Variants in CSMD1 observed in about 807,000 individuals in gnomAD.
CSMD1 encodes the protein CUB and sushi domain-containing protein 1.
Under a neutral mutation model 417.5 loss-of-function variants are expected in CSMD1, and 213 were observed. The ratio of observed to expected loss-of-function variants is 0.51; its 90% confidence interval spans 0.46 to 0.57. The LOEUF (loss-of-function observed/expected upper bound fraction) is 0.57, where lower values mean the gene tolerates loss of function less well. CSMD1 is among the 20% of genes least tolerant of loss of function. The pLI is 0.00. For missense variants in CSMD1, 6,923 were observed against 4,529.7 expected, an observed-to-expected ratio of 1.53 and a Z score of -15.17; for synonymous variants, 2,862 against 1,736.8, an observed-to-expected ratio of 1.65 and a Z score of -16.11.
intron 3 of CSMD1, among the ~76,000 whole-genome samples, chr8:4,118,553 G>T (rs1293335044): frequency 6.6e-6 from 1 of 152,140 alleles, no homozygotes; most frequent in Non-Finnish European, 1.5e-5. Context: ...ACCATCTCAC[G>T]CCAGTAAAAA....
At chr8:4,378,579 G>A (rs1288321977) in intron 3 of CSMD1, among the ~76,000 whole-genome samples, 1 of 152,112 alleles carries the variant, frequency 6.6e-6, no homozygotes, top group African/African-American at 2.4e-5. Context: ...TCTTCAATAA[G>A]TTTCAAATAC....
Position 4,845,882 on chromosome 8 carries a change from G to C in CSMD1, c.85+148450C>G, listed in dbSNP as rs143270031. Among the ~76,000 whole-genome samples the C allele has an allele frequency of 4.3e-3, 662 of 152,308 alleles. 4 individuals carry two copies. The highest frequency in any genetic ancestry group is 0.015 in the African/African-American group (608 of 41,574). The stretch of plus-strand genomic sequence containing the variant: ...CCACTACCTAATGAGGATTTTGTCA[G>C]TCACCGTGGCTAACTAAAATGACAA... On this transcript the variant is annotated intron_variant, in intron 1 of 69. Coordinates refer to ENST00000635120, the MANE Select transcript of CSMD1 (RefSeq NM_033225.6).
chr8:4,595,264 G>A (rs1800195937), intron 2 of CSMD1, among the ~76,000 whole-genome samples: 1 of 150,498 alleles, frequency 6.6e-6, no homozygotes, highest in African/African-American at 2.5e-5. Context: ...TCTGAGACAG[G>A]AAGGTATAAT....
At chr8:4,963,089 C>T (rs1359864554) in intron 1 of CSMD1, among the ~76,000 whole-genome samples, 2 of 152,190 alleles carry the variant, frequency 1.3e-5, no homozygotes, top group African/African-American at 2.4e-5. Flanking sequence ...CCTCTCCAGG[C>T]CTCCGCAAGA....
chr8:3,753,012 G>T (rs1266093953), intron 6 of CSMD1, among the ~76,000 whole-genome samples: 1 of 152,164 alleles, frequency 6.6e-6, no homozygotes, highest in Non-Finnish European at 1.5e-5. Context: ...TTTCATGGGA[G>T]GTATTTACAA....
At chr8:3,225,772 G>A (rs934794665) in intron 27 of CSMD1, among the ~76,000 whole-genome samples, 1 of 152,194 alleles carries the variant, frequency 6.6e-6, no homozygotes, top group African/African-American at 2.4e-5. Context: ...GAATTAAGGA[G>A]TGCTGCCTGG....
intron 2 of CSMD1, among the ~76,000 whole-genome samples, chr8:4,492,279 G>T (rs753751740): frequency 6.6e-6 from 1 of 152,122 alleles, no homozygotes; most frequent in South Asian, 2.1e-4. Flanking sequence ...TTGTCTACAC[G>T]GGATCTTCTT....
intron 3 of CSMD1, among the ~76,000 whole-genome samples, chr8:4,116,074 C>A (rs1205557385): frequency 6.6e-6 from 1 of 151,886 alleles, no homozygotes; most frequent in Non-Finnish European, 1.5e-5. Flanking sequence ...TCTTGGCTCA[C>A]TGCAACCTCC....
At chr8:3,147,035 G>A (rs1013391418) in intron 40 of CSMD1, among the ~76,000 whole-genome samples, 4 of 151,490 alleles carry the variant, frequency 2.6e-5, no homozygotes, top group African/African-American at 9.8e-5. Flanking sequence ...CTTATATTCC[G>A]GATAAGTGTT....
chr8:3,809,463 GA>G (rs1800938738), intron 5 of CSMD1, among the ~76,000 whole-genome samples: 1 of 152,158 alleles, frequency 6.6e-6, no homozygotes, highest in Admixed American at 6.6e-5. Flanking sequence ...GGTTCCTGGG[GA>G]TAGTTCATAC....
At chr8:3,486,353 T>C (rs912666857) in intron 11 of CSMD1, among the ~76,000 whole-genome samples, 2 of 152,230 alleles carry the variant, frequency 1.3e-5, no homozygotes, top group Non-Finnish European at 2.9e-5. Flanking sequence ...GATGGTGCAC[T>C]GTAAATGCAT....
intron 7 of CSMD1, among the ~76,000 whole-genome samples, chr8:3,664,530 T>G (rs1396232927): frequency 6.6e-6 from 1 of 152,180 alleles, no homozygotes; most frequent in African/African-American, 2.4e-5. Context: ...ATGCTGATGG[T>G]GGGTCAAGAG....
intron 2 of CSMD1, among the ~76,000 whole-genome samples, chr8:4,617,953 T>C (rs1041453785): frequency 6.6e-6 from 1 of 152,170 alleles, no homozygotes; most frequent in African/African-American, 2.4e-5. Context: ...TAAGATGCAA[T>C]ATTTCTTTTT....
At chr8:4,490,498 A>C (rs6982571) in intron 2 of CSMD1, among the ~76,000 whole-genome samples, 10,040 of 152,282 alleles carry the variant, frequency 0.066, 956 homozygotes, top group African/African-American at 0.2. Flanking sequence ...TTACATATTT[A>C]TTCATCACAT....
At chr8:4,262,185 C>T (rs554806627) in intron 3 of CSMD1, among the ~76,000 whole-genome samples, 1 of 152,162 alleles carries the variant, frequency 6.6e-6, no homozygotes, top group East Asian at 1.9e-4. Flanking sequence ...GCTTTTGACT[C>T]TCTTGGGTGA....
chr8:3,382,232 AG>A (rs1810674136), intron 18 of CSMD1, among the ~76,000 whole-genome samples: 1 of 151,616 alleles, frequency 6.6e-6, no homozygotes, highest in East Asian at 1.9e-4. Flanking sequence ...GTGCTCCAGC[AG>A]GAAAGGGAAA....
At chr8:3,559,282 T>A (rs1799364272) in intron 10 of CSMD1, among the ~76,000 whole-genome samples, 1 of 152,146 alleles carries the variant, frequency 6.6e-6, no homozygotes, top group Admixed American at 6.6e-5. Context: ...CTGCCCTTGG[T>A]GTGAACATGA....
At chr8:3,050,625 G>T (rs560875738) in intron 50 of CSMD1, among the ~76,000 whole-genome samples, 1 of 151,984 alleles carries the variant, frequency 6.6e-6, no homozygotes, top group East Asian at 1.9e-4. Flanking sequence ...TTACTTAATT[G>T]CAATAAAATA....
chr8:4,821,464 G>A (rs185390621), intron 1 of CSMD1, among the ~76,000 whole-genome samples: 4 of 152,248 alleles, frequency 2.6e-5, no homozygotes, highest in Admixed American at 2.6e-4. Flanking sequence ...CAGTAAGACA[G>A]TACAGGGAAC....
Sources: gnomAD v4.1 joint callset for allele counts (sites outside exome capture counted in the v4.1 genomes callset) on GRCh38, gnomAD v4.1.1 for gene constraint, MANE v1.5 for transcripts, NCBI Gene and HGNC (gene_info 2026-07-23, HGNC 2026-07-21) for gene names.